The following PNKD variants were observed in gnomAD, a reference collection of about 807,000 sequenced individuals.
The protein encoded by PNKD is PNKD metallo-beta-lactamase domain containing.
Under a neutral mutation model 45.3 loss-of-function variants are expected in PNKD, and 36 were observed. That is an observed-to-expected ratio of 0.80 (90% confidence interval 0.61 to 1.05). PNKD has a LOEUF of 1.05. Among genes scored for constraint, PNKD ranks in the 50% least tolerant of loss-of-function variants. The pLI, the probability that PNKD is intolerant of heterozygous loss-of-function variation, is 0.00. For missense variants in PNKD, 511 were observed against 506.6 expected (o/e 1.01, Z -0.08); for synonymous variants, 197 against 210.1 (o/e 0.94, Z 0.54).
chr2:218,320,514 G>A (rs1202004641), intron 2 of PNKD, among the ~76,000 whole-genome samples: 1 of 152,188 alleles, frequency 6.6e-6, no homozygotes, highest in Admixed American at 6.5e-5. Flanking sequence ...GCTGCAGTGA[G>A]CTATGATTGT....
Position 218,343,680 on chromosome 2 carries a change from C to T in PNKD, c.868+94C>T. ...CCCCTCACTCCCCTAGAAAGCAGGC[C>T]AGCCCAGTTCCTGGCCCAGAAGCGA... On this transcript the variant is annotated intron_variant, in intron 8 of 9. Transcript: ENST00000273077. The T allele has an allele frequency of 4.3e-6, 4 of 926,868 alleles. No homozygotes were observed. In the Admixed American group the frequency reaches 8.0e-5, roughly 19 times the overall value. The allele number at this position is 926,868 out of a possible 1,614,324, so 57.4% of individuals were successfully genotyped here. A position where few individuals can be genotyped will look rare whatever the true frequency, so the allele number is the denominator to read the frequency against.
rs909326700 is a variant in PNKD, at chr2:218,344,395, G to C, written c.869-60G>C. 7 of 1,269,852 alleles carry C rather than the reference G, an allele frequency of 5.5e-6. No individual in the cohort carries two copies. The African/African-American group carries it at 8.9e-5, about 16-fold the overall frequency. The allele number at this position is 1,269,852 out of a possible 1,614,324, so 78.7% of individuals were successfully genotyped here. ...GCCTGGACCTGGGGCAGGGAAGACTGTTCTGACTGTACCACCAATCTCTCT... is the reference window on the plus strand; with the variant it reads ...GCCTGGACCTGGGGCAGGGAAGACTCTTCTGACTGTACCACCAATCTCTCT... On this transcript the variant is annotated intron_variant, in intron 8 of 9. Transcript: ENST00000273077.
chr2:218,311,612 G>A (rs989039063), intron 2 of PNKD, among the ~76,000 whole-genome samples: 1 of 152,212 alleles, frequency 6.6e-6, no homozygotes, highest in African/African-American at 2.4e-5. Flanking sequence ...AAGAGCGACA[G>A]AGCAGTATTG....
chr2:218,341,653 G>A, intron 6 of PNKD, 27 bp downstream of exon 6: 1 of 1,479,956 alleles, frequency 6.8e-7, no homozygotes. Context: ...GGCAAGGGAT[G>A]GCCCTTCCAT....
chr2:218,335,541 T>C (rs1026031294), intron 2 of PNKD, among the ~76,000 whole-genome samples: 5 of 150,486 alleles, frequency 3.3e-5, no homozygotes, highest in Non-Finnish European at 7.4e-5. Context: ...ACAAGGACAG[T>C]GAGTTTGCCT....
At chr2:218,297,684 CA>C (rs71064428) in intron 2 of PNKD, among the ~76,000 whole-genome samples, 2,518 of 41,988 alleles carry the variant, frequency 0.06, 50 homozygotes, top group Admixed American at 0.079. Context: ...GACTCCGTCT[CA>C]AAAAAAAAAA....
At chr2:218,276,568 G>A (rs879760094) in intron 2 of PNKD, among the ~76,000 whole-genome samples, 8 of 152,132 alleles carry the variant, frequency 5.3e-5, no homozygotes, top group East Asian at 1.9e-4. Context: ...GGCAGCCCTC[G>A]TGTCCCCATC....
intron 2 of PNKD, among the ~76,000 whole-genome samples, chr2:218,293,148 G>A (rs2106245871): frequency 6.6e-6 from 1 of 152,282 alleles, no homozygotes; most frequent in South Asian, 2.1e-4. Context: ...TACTCAACCA[G>A]GAAAGCAGGT....
chr2:218,325,291 T>C (rs145152987), intron 2 of PNKD, among the ~76,000 whole-genome samples: 5,137 of 134,844 alleles, frequency 0.038, 95 homozygotes, highest in Middle Eastern at 0.055. Context: ...CACTGCAACC[T>C]CCGCCTCCCG....
At chr2:218,275,273 G>A in intron 2 of PNKD, 1 of 564,600 alleles carries the variant, frequency 1.8e-6, no homozygotes, top group Non-Finnish European at 2.9e-6. Flanking sequence ...AAGAGCAACA[G>A]TTAGTCCCTA....
chr2:218,318,117 G>A (rs900098011), intron 2 of PNKD: 6 of 152,256 alleles, frequency 3.9e-5, no homozygotes, highest in African/African-American at 1.2e-4. Flanking sequence ...CATTCTAAGG[G>A]AACCTCTCAG....
intron 2 of PNKD, among the ~76,000 whole-genome samples, chr2:218,338,949 C>G (rs1420267764): frequency 6.6e-6 from 1 of 151,748 alleles, no homozygotes; most frequent in African/African-American, 2.4e-5. Flanking sequence ...TGTGCCACCA[C>G]GCCCAGCTAT....
chr2:218,344,428 G>A (rs1157642774), intron 8 of PNKD, 27 bp from the exon 9 acceptor site: 1 of 1,477,774 alleles, frequency 6.8e-7, no homozygotes, highest in Non-Finnish European at 9.3e-7. Context: ...TCTCTGCTCT[G>A]TGTCTCACCC....
chr2:218,277,288 C>T, intron 2 of PNKD: 1 of 1,342,688 alleles, frequency 7.4e-7, no homozygotes, highest in Non-Finnish European at 1.1e-6. Context: ...CTCTAGGGAA[C>T]ATCCCTAGTG....
intron 2 of PNKD, chr2:218,278,497 TAA>T: frequency 6.2e-7 from 1 of 1,613,612 alleles, no homozygotes; most frequent in East Asian, 2.2e-5. Context: ...CTCACTGTGT[TAA>T]GTCTCTGGGA....
At chr2:218,336,672 G>C (rs988667296) in intron 2 of PNKD, among the ~76,000 whole-genome samples, 2 of 151,826 alleles carry the variant, frequency 1.3e-5, no homozygotes, top group Non-Finnish European at 2.9e-5. Flanking sequence ...GTAGAGACAG[G>C]GTCTCGCCAT....
chr2:218,313,466 C>T (rs1048574536), intron 2 of PNKD, among the ~76,000 whole-genome samples: 1 of 152,090 alleles, frequency 6.6e-6, no homozygotes, highest in East Asian at 1.9e-4. Context: ...CAGTTGTTCC[C>T]CAGTGTCTTT....
At chr2:218,291,293 C>G (rs1242483126) in intron 2 of PNKD, among the ~76,000 whole-genome samples, 3 of 152,170 alleles carry the variant, frequency 2.0e-5, no homozygotes, top group Non-Finnish European at 4.4e-5. Context: ...TCTCTGGATC[C>G]TCATGACTGG....
chr2:218,297,870 C>T (rs1242580149), intron 2 of PNKD, among the ~76,000 whole-genome samples: 4 of 146,448 alleles, frequency 2.7e-5, no homozygotes, highest in Admixed American at 6.9e-5. Context: ...TGATGGCAGG[C>T]GCCTGTGGTC....
Sources: allele counts gnomAD v4.1 joint callset (sites outside exome capture counted in the v4.1 genomes callset), GRCh38; gene constraint gnomAD v4.1.1; transcripts MANE v1.5; gene names NCBI Gene and HGNC (gene_info 2026-07-23, HGNC 2026-07-21).